The following CADPS2 variants were observed in gnomAD, a reference collection of about 807,000 sequenced individuals.
CADPS2 encodes the protein calcium dependent secretion activator 2.
A neutral mutation model predicts 172.5 loss-of-function variants in CADPS2; 93 were observed. That is an observed-to-expected ratio of 0.54 (90% CI 0.46 to 0.64). CADPS2 has a LOEUF of 0.64. Among genes scored for constraint, CADPS2 ranks in the 30% least tolerant of loss-of-function variants. The pLI, the probability that CADPS2 is intolerant of heterozygous loss-of-function variation, is 0.00. For missense variants in CADPS2, 1,420 were observed against 1,565.9 expected (o/e 0.91, Z 1.57); for synonymous variants, 546 against 555.2 (o/e 0.98, Z 0.23).
In CADPS2 at chr7:122,775,208, C is replaced by T. The variant is rs140514039; in HGVS notation, c.340-38140G>A. ...GTGCAGCACAATGTTTGTGAAGAGT[C>T]TAAGAGTCTAAGCCTAAGACTAAAG... On this transcript the variant is annotated intron_variant, in intron 1 of 29. Coordinates refer to ENST00000449022, the MANE Select transcript of CADPS2 (RefSeq NM_017954.11). Among the ~76,000 whole-genome samples, 87 of 152,256 alleles carry T rather than the reference C, an allele frequency of 5.7e-4. 1 individual carries two copies. Among genetic ancestry groups the T allele is most frequent in the African/African-American group, 1.9e-3 (79 of 41,554 alleles).
At chr7:122,722,134 C>G (rs201401442) in intron 2 of CADPS2, among the ~76,000 whole-genome samples, 10,946 of 150,672 alleles carry the variant, frequency 0.073, 427 homozygotes, top group South Asian at 0.17. Context: ...ACTGGCACAA[C>G]ACAGGGATGC....
intron 1 of CADPS2, among the ~76,000 whole-genome samples, chr7:122,780,038 A>G (rs1792270668): frequency 1.3e-5 from 2 of 152,180 alleles, no homozygotes; most frequent in South Asian, 2.1e-4. Flanking sequence ...TCTAATTTTT[A>G]TGTAATTTTT....
chr7:122,383,902 C>A (rs2043304584), intron 24 of CADPS2, among the ~76,000 whole-genome samples: 1 of 152,166 alleles, frequency 6.6e-6, no homozygotes, highest in Admixed American at 6.5e-5. Flanking sequence ...CAAGTAGGGC[C>A]CCTTGCTCCC....
chr7:122,494,203 G>T (rs768741183), intron 9 of CADPS2, among the ~76,000 whole-genome samples: 3 of 152,138 alleles, frequency 2.0e-5, no homozygotes, highest in Non-Finnish European at 4.4e-5. Context: ...AGCTTCTGCA[G>T]GAGTTCCAGC....
Position 122,407,681 on chromosome 7 carries a change from G to A in CADPS2, c.2605C>T (p.Pro869Ser). ...TCTGCATGTTCAGCCAATAAATCAG[G>A]CCACCAGGCAAATGCCTACAAAAGG... Reference protein sequence around the residue: ...AEGREAFAWWPDLLAEHAEKF... With the variant: ...AEGREAFAWWSDLLAEHAEKF... Residue 869 changes from proline (P) to serine (S), a missense_variant, in exon 20 of 30, where the codon CCT becomes TCT. Physicochemically the swap from Pro to Ser is moderately conservative, Grantham distance 74. Coordinates refer to ENST00000449022, the MANE Select transcript of CADPS2 (RefSeq NM_017954.11). 1 of 1,609,634 alleles carries A rather than the reference G, an allele frequency of 6.2e-7. No homozygotes were observed. The highest frequency in any genetic ancestry group is 8.5e-7 in the Non-Finnish European group (1 of 1,178,000).
At chr7:122,832,560 A>AC (rs1806903304) in intron 1 of CADPS2, among the ~76,000 whole-genome samples, 1 of 151,532 alleles carries the variant, frequency 6.6e-6, no homozygotes, top group South Asian at 2.1e-4. Context: ...ATACAACTAG[A>AC]CCTCCTCTGC....
At chr7:122,765,489 A>C (rs2093518746) in intron 1 of CADPS2, among the ~76,000 whole-genome samples, 1 of 152,160 alleles carries the variant, frequency 6.6e-6, no homozygotes, top group Non-Finnish European at 1.5e-5. Context: ...ACAAGTGCCT[A>C]TCTAAAGGAC....
At chr7:122,507,845 C>A (rs915756629) in intron 9 of CADPS2, among the ~76,000 whole-genome samples, 3 of 151,988 alleles carry the variant, frequency 2.0e-5, no homozygotes, top group African/African-American at 7.2e-5. Context: ...GCTGTTTTTG[C>A]TATGGAACAG....
intron 1 of CADPS2, among the ~76,000 whole-genome samples, chr7:122,769,251 T>A (rs528349408): frequency 6.6e-6 from 1 of 152,300 alleles, no homozygotes; most frequent in African/African-American, 2.4e-5. Context: ...AAAATTAGAG[T>A]CAAATCTCAC....
chr7:122,601,885 T>G (rs1184232660), intron 6 of CADPS2, among the ~76,000 whole-genome samples: 1 of 152,064 alleles, frequency 6.6e-6, no homozygotes, highest in Non-Finnish European at 1.5e-5. Flanking sequence ...TAATTGTCAG[T>G]ACTTCAGGAG....
intron 2 of CADPS2, among the ~76,000 whole-genome samples, chr7:122,708,520 GATATATATATATATATATATATATAT>G (rs57522086): frequency 0.14 from 16,544 of 116,274 alleles, 1,550 homozygotes; most frequent in East Asian, 0.27. Context: ...TTGTATTCGA[GATATATATATATATATATATATATAT>G]ATATATATAT....
chr7:122,732,838 TTA>T (rs1236792952), intron 2 of CADPS2, among the ~76,000 whole-genome samples: 1 of 144,240 alleles, frequency 6.9e-6, no homozygotes, highest in African/African-American at 2.5e-5. Flanking sequence ...ATAATATACA[TTA>T]TATATGCTAT....
At position 122,523,602 on chromosome 7, in the gene CADPS2, G is replaced by A. The variant is rs181289546; in HGVS notation, c.1476-10287C>T. On this transcript the variant is annotated intron_variant, in intron 8 of 29. Coordinates refer to ENST00000449022, the MANE Select transcript of CADPS2 (RefSeq NM_017954.11). ...CCAACAAATTGTATATATTTATGGT[G>A]TGCAACATGTTTTGAAATATGTGTA... Among the ~76,000 whole-genome samples the A allele has an allele frequency of 2.2e-3, 330 of 152,088 alleles. 1 individual carries two copies. Among genetic ancestry groups the A allele is most frequent in the Middle Eastern group, 3.4e-3 (1 of 294 alleles).
chr7:122,465,036 TA>T (rs1314659422), intron 14 of CADPS2, among the ~76,000 whole-genome samples: 1 of 151,798 alleles, frequency 6.6e-6, no homozygotes, highest in African/African-American at 2.4e-5. Context: ...AAAGTATATC[TA>T]AAAAAGAAAC....
intron 9 of CADPS2, among the ~76,000 whole-genome samples, chr7:122,494,638 T>C (rs1245921347): frequency 6.6e-6 from 1 of 151,720 alleles, no homozygotes; most frequent in Non-Finnish European, 1.5e-5. Context: ...TTTTATAGTG[T>C]TGAGTTTTTT....
chr7:122,366,843 T>C (rs2040981446), intron 25 of CADPS2: 1 of 152,040 alleles, frequency 6.6e-6, no homozygotes, highest in Admixed American at 6.6e-5. Context: ...TACCAGATCC[T>C]GCACGTTATA....
chr7:122,632,173 C>T (rs947958186), intron 3 of CADPS2, among the ~76,000 whole-genome samples: 2 of 152,114 alleles, frequency 1.3e-5, no homozygotes, highest in Non-Finnish European at 2.9e-5. Context: ...CATATGGGTG[C>T]AAGTGTCCTT....
chr7:122,560,406 G>A (rs1219312662), intron 7 of CADPS2, among the ~76,000 whole-genome samples: 1 of 152,136 alleles, frequency 6.6e-6, no homozygotes, highest in Non-Finnish European at 1.5e-5. Flanking sequence ...TTACAAACCA[G>A]AGAATGAAAA....
chr7:122,608,001 G>A (rs1462437907), intron 6 of CADPS2, among the ~76,000 whole-genome samples: 1 of 151,888 alleles, frequency 6.6e-6, no homozygotes, highest in Admixed American at 6.6e-5. Flanking sequence ...GGTGGATCAC[G>A]AGGTCAAGAG....
Sources: allele counts gnomAD v4.1 joint callset (sites outside exome capture counted in the v4.1 genomes callset), GRCh38; gene constraint gnomAD v4.1.1; transcripts MANE v1.5; gene names NCBI Gene and HGNC (gene_info 2026-07-23, HGNC 2026-07-21).